Variants in RBFOX1 observed in about 807,000 individuals in gnomAD.
The protein encoded by RBFOX1 is RNA binding protein fox-1 homolog 1.
A neutral mutation model predicts 57.7 loss-of-function variants in RBFOX1; 8 were observed. The observed-to-expected ratio is 0.14, with a 90% CI of 0.08 to 0.25. RBFOX1 has a LOEUF of 0.25. Among genes scored for constraint, RBFOX1 ranks in the 10% least tolerant of loss-of-function variants. RBFOX1 has a pLI of 1.00. For synonymous variants in RBFOX1, 326 were observed against 222.4 expected, an observed-to-expected ratio of 1.47 and a Z score of -4.15; for missense variants, 611 against 548.5, an observed-to-expected ratio of 1.11 and a Z score of -1.14.
intron 3 of RBFOX1, among the ~76,000 whole-genome samples, chr16:6,968,261 C>G (rs994905238): frequency 6.6e-6 from 1 of 152,218 alleles, no homozygotes; most frequent in East Asian, 1.9e-4. Context: ...GACCCCCAGG[C>G]AAGCTGTCAC....
intron 4 of RBFOX1, among the ~76,000 whole-genome samples, chr16:7,193,528 A>T (rs902219361): frequency 6.6e-6 from 1 of 152,226 alleles, no homozygotes; most frequent in African/African-American, 2.4e-5. Context: ...TATAACTGCA[A>T]ATGCTTTTAT....
intron 4 of RBFOX1, among the ~76,000 whole-genome samples, chr16:5,943,328 C>A (rs2059320198): frequency 6.6e-6 from 1 of 152,202 alleles, no homozygotes; most frequent in South Asian, 2.1e-4. Context: ...TGATTCTGCA[C>A]ATTAGAATTT....
chr16:7,281,250 G>A (rs971788388), intron 4 of RBFOX1, among the ~76,000 whole-genome samples: 1 of 151,896 alleles, frequency 6.6e-6, no homozygotes, highest in South Asian at 2.1e-4. Flanking sequence ...TGATCTGCCT[G>A]TCCCAGCCTC....
At chr16:6,871,108 T>G (rs1038452986) in intron 3 of RBFOX1, among the ~76,000 whole-genome samples, 1 of 152,222 alleles carries the variant, frequency 6.6e-6, no homozygotes, top group African/African-American at 2.4e-5. Flanking sequence ...TTACATTCTT[T>G]AGGATGGAAT....
chr16:6,657,175 C>T (rs1170984547), intron 3 of RBFOX1, among the ~76,000 whole-genome samples: 1 of 150,648 alleles, frequency 6.6e-6, no homozygotes, highest in African/African-American at 2.4e-5. Flanking sequence ...TTCCCTTTTT[C>T]TCTCCTCCTT....
intron 2 of RBFOX1, among the ~76,000 whole-genome samples, chr16:6,337,371 G>T (rs1358797480): frequency 6.6e-6 from 1 of 152,172 alleles, no homozygotes; most frequent in Admixed American, 6.5e-5. Flanking sequence ...TTGAATCACC[G>T]CCATCAACCT....
At chr16:5,805,670 G>C (rs376261199) in intron 3 of RBFOX1, among the ~76,000 whole-genome samples, 2 of 152,312 alleles carry the variant, frequency 1.3e-5, no homozygotes, top group South Asian at 4.1e-4. Context: ...CCAGGGGGAA[G>C]GATAAATTAG....
intron 3 of RBFOX1, among the ~76,000 whole-genome samples, chr16:5,627,967 AGCATTTAGAG>A (rs1032928090): frequency 2.6e-5 from 4 of 152,256 alleles, no homozygotes; most frequent in African/African-American, 9.6e-5. Context: ...AGGCCAAAGC[AGCATTTAGAG>A]GCATTCTTAT....
chr16:7,261,641 C>G (rs937851534), intron 4 of RBFOX1, among the ~76,000 whole-genome samples: 8 of 152,194 alleles, frequency 5.3e-5, no homozygotes, highest in Admixed American at 1.3e-4. Context: ...TCTGTAGGCT[C>G]TCTCCACTCA....
chr16:6,009,066 C>T (rs189761534), intron 4 of RBFOX1, among the ~76,000 whole-genome samples: 171 of 151,786 alleles, frequency 1.1e-3, no homozygotes, highest in Non-Finnish European at 3.7e-4. Context: ...GAAAATTCTA[C>T]GTGCTATCAT....
intron 1 of RBFOX1, among the ~76,000 whole-genome samples, chr16:6,300,519 A>C (rs1483572620): frequency 6.6e-6 from 1 of 152,172 alleles, no homozygotes; most frequent in East Asian, 1.9e-4. Context: ...CGAGACTTGC[A>C]CCTGTGGTAC....
Position 7,211,168 on chromosome 16 carries a change from G to A in RBFOX1, c.27+159070G>A, listed in dbSNP as rs575611597. ...GCACTTTGGGAGGCCGAGGTGGGGG[G>A]ATCATGAGGTCAGGAGATCAAGACT... On this transcript the variant is annotated intron_variant, in intron 4 of 15. Transcript: ENST00000550418. Among the ~76,000 whole-genome samples, 5 of 151,604 alleles carry A rather than the reference G, an allele frequency of 3.3e-5. No homozygotes were observed. In the East Asian group the frequency reaches 9.7e-4, roughly 30 times the overall value.
chr16:5,757,640 C>T (rs1003572498), intron 3 of RBFOX1, among the ~76,000 whole-genome samples: 8 of 151,756 alleles, frequency 5.3e-5, no homozygotes, highest in African/African-American at 1.7e-4. Flanking sequence ...TAGACGTGAC[C>T]CAGGAGGAAA....
intron 10 of RBFOX1, among the ~76,000 whole-genome samples, chr16:7,622,701 C>T (rs778800556): frequency 1.3e-5 from 2 of 151,946 alleles, no homozygotes; most frequent in Admixed American, 6.6e-5. Context: ...TAGACAGATG[C>T]GCTTCAGGGC....
At chr16:7,193,473 C>T (rs963338364) in intron 4 of RBFOX1, among the ~76,000 whole-genome samples, 1 of 152,164 alleles carries the variant, frequency 6.6e-6, no homozygotes, top group Admixed American at 6.5e-5. Flanking sequence ...TGTTTGAGGT[C>T]TTTGTTACAG....
intron 4 of RBFOX1, among the ~76,000 whole-genome samples, chr16:7,107,377 G>A (rs1281442172): frequency 1.3e-5 from 2 of 152,174 alleles, no homozygotes; most frequent in South Asian, 4.1e-4. Context: ...AACTGGAAGG[G>A]GGCCACTCTA....
intron 1 of RBFOX1, among the ~76,000 whole-genome samples, chr16:5,364,471 G>T (rs146261613): frequency 6.6e-6 from 1 of 152,310 alleles, no homozygotes; most frequent in East Asian, 1.9e-4. Context: ...TACAGCCTCA[G>T]CCAAGAGGAA....
In RBFOX1 at chr16:7,182,370, C is replaced by T. The variant is rs977691078; in HGVS notation, c.27+130272C>T. On this transcript the variant is annotated intron_variant, in intron 4 of 15. Coordinates refer to ENST00000550418, the MANE Select transcript of RBFOX1 (RefSeq NM_018723.4). Reference sequence around the variant, plus strand: ...CATCTTCCATTCTTCCTGAAGCCCCCTCTCTTCATGAAATGTCCTCACATT... The same window carrying T: ...CATCTTCCATTCTTCCTGAAGCCCCTTCTCTTCATGAAATGTCCTCACATT... Among the ~76,000 whole-genome samples the T allele has an allele frequency of 1.4e-4, 22 of 152,170 alleles. 1 individual carries two copies. The highest frequency in any genetic ancestry group is 5.1e-4 in the African/African-American group (21 of 41,440).
At chr16:5,923,530 C>CTTTTT (rs71404564) in intron 4 of RBFOX1, among the ~76,000 whole-genome samples, 14 of 109,366 alleles carry the variant, frequency 1.3e-4, no homozygotes, top group South Asian at 3.4e-4. Flanking sequence ...CAGAGCCAGG[C>CTTTTT]TTTTTTTTTT....
Sources: gnomAD v4.1 joint callset for allele counts (sites outside exome capture counted in the v4.1 genomes callset) on GRCh38, gnomAD v4.1.1 for gene constraint, MANE v1.5 for transcripts, NCBI Gene and HGNC (gene_info 2026-07-23, HGNC 2026-07-21) for gene names.